The following MACF1 variants were observed in gnomAD, a reference collection of about 807,000 sequenced individuals.
MACF1 encodes microtubule-actin cross-linking factor 1.
In MACF1, 193 loss-of-function variants were observed where a neutral mutation model predicts 854.8. The ratio of observed to expected loss-of-function variants is 0.23; its 90% confidence interval spans 0.20 to 0.25. The LOEUF (loss-of-function observed/expected upper bound fraction) is 0.25, where lower values mean the gene tolerates loss of function less well. Among genes scored for constraint, MACF1 ranks in the 10% least tolerant of loss-of-function variants. MACF1 has a pLI of 1.00. For missense variants in MACF1, 7,722 were observed against 8,929.1 expected, an observed-to-expected ratio of 0.86 and a Z score of 5.45; for synonymous variants, 3,185 against 3,226.7, an observed-to-expected ratio of 0.99 and a Z score of 0.44.
intron 95 of MACF1, among the ~76,000 whole-genome samples, chr1:39,467,468 G>C (rs959255017): frequency 7.9e-5 from 12 of 152,166 alleles, no homozygotes; most frequent in African/African-American, 2.9e-4. Flanking sequence ...ATGTTTGTTT[G>C]TTTTGGAAAC....
intron 2 of MACF1, among the ~76,000 whole-genome samples, chr1:39,100,916 G>A (rs911365157): frequency 5.4e-5 from 8 of 148,256 alleles, no homozygotes; most frequent in South Asian, 2.2e-4. Flanking sequence ...GCACGCGCGC[G>A]TGTGTGTGTG....
intron 2 of MACF1, among the ~76,000 whole-genome samples, chr1:39,116,477 T>G (rs1038310144): frequency 6.6e-6 from 1 of 152,044 alleles, no homozygotes; most frequent in African/African-American, 2.4e-5. Context: ...TTGTAATAGA[T>G]TCCAAGGCAG....
In MACF1 at chr1:39,409,956, T is replaced by A; in HGVS notation, c.15817-12418T>A. On this transcript the variant is annotated intron_variant, in intron 58 of 100. Coordinates refer to ENST00000564288, the MANE Select transcript of MACF1 (RefSeq NM_001394062.1). The surrounding 1 kb of genome is among the most constrained non-coding windows in gnomAD (Gnocchi z 4.2). ...AAAGACTCGTCAATATCAGATGATT[T>A]TTGTTGACTGTATTTGAAAGAGCAG... The A allele has an allele frequency of 3.7e-6, 1 of 273,194 alleles. No homozygotes were observed. 16.9% of individuals were successfully genotyped at this position (273,194 alleles called of 1,614,324 possible).
chr1:39,162,824 G>A (rs572516039), intron 2 of MACF1, among the ~76,000 whole-genome samples: 57 of 152,218 alleles, frequency 3.7e-4, no homozygotes, highest in African/African-American at 1.3e-3. Context: ...GGCGGGAACT[G>A]TGTCTCATTT....
intron 1 of MACF1, among the ~76,000 whole-genome samples, chr1:39,210,416 C>T (rs926404636): frequency 6.6e-6 from 1 of 151,138 alleles, no homozygotes; most frequent in Admixed American, 6.6e-5. Flanking sequence ...CTATGTTGCC[C>T]ATCCTGAACT....
At chr1:39,448,003 C>G in intron 82 of MACF1, 30 bp from the exon 83 acceptor site, 1 of 1,613,152 alleles carries the variant, frequency 6.2e-7, no homozygotes, top group African/African-American at 1.3e-5. Flanking sequence ...TATATTCATT[C>G]CTGTTAACTT....
chr1:39,403,189 C>A (rs943849706), intron 58 of MACF1, among the ~76,000 whole-genome samples: 13 of 152,090 alleles, frequency 8.5e-5, no homozygotes, highest in African/African-American at 3.1e-4. Flanking sequence ...GTCTCCACCT[C>A]CCAAGTTCAA....
In MACF1 at chr1:39,333,750, G is replaced by A. The variant is rs1646766712; in HGVS notation, c.7162G>A (p.Val2388Ile). 1 of 1,614,080 alleles carries A rather than the reference G, an allele frequency of 6.2e-7. No homozygotes were observed. The highest frequency in any genetic ancestry group is 1.7e-5 in the Admixed American group (1 of 60,010). ...GACACTGTGCTCTGTAAAGGATGCA[G>A]TTACAGTTGGACTTCTTGACAAGGA... ...TQTLCSVKDA[V>I]TVGLLDKETA... The change falls in exon 37 of 101, where the codon GTT (valine) becomes ATT (isoleucine). Residue 2388 changes from valine to isoleucine, a missense_variant. Transcript: ENST00000564288.
At chr1:39,432,480 A>T (rs1290726377) in intron 66 of MACF1, 55 bp from the exon 67 acceptor site, 1 of 1,562,606 alleles carries the variant, frequency 6.4e-7, no homozygotes, top group Non-Finnish European at 8.8e-7. Flanking sequence ...AATTGCAGTT[A>T]TGTGGAGACT....
In MACF1 at chr1:39,327,404, A is replaced by G. The variant is rs747075666; in HGVS notation, c.4614+51A>G. The G allele has an allele frequency of 5.2e-6, 8 of 1,530,544 alleles. No homozygotes were observed. In the Admixed American group the frequency reaches 7.2e-5, roughly 14 times the overall value. The allele number at this position is 1,530,544 out of a possible 1,614,324, so 94.8% of individuals were successfully genotyped here. ...ATTGGGTGGATACCTTTTGAATGGT[A>G]TGAAGGCAGCTTTGCTGATTCAGAG... On this transcript the variant is annotated intron_variant, in intron 36 of 100. Transcript: ENST00000564288.
intron 2 of MACF1, among the ~76,000 whole-genome samples, chr1:39,156,192 A>G (rs867013497): frequency 5.3e-5 from 8 of 150,940 alleles, no homozygotes; most frequent in African/African-American, 2.0e-4. Flanking sequence ...TATTTTTAGT[A>G]GAGATGGGGT....
At chr1:39,167,798 A>G (rs1300998832) in intron 2 of MACF1, among the ~76,000 whole-genome samples, 2 of 151,872 alleles carry the variant, frequency 1.3e-5, no homozygotes, top group African/African-American at 4.8e-5. Context: ...CGCTTGAGCC[A>G]AGGCTTTGGA....
At chr1:39,463,067 A>G (rs2124076442) in intron 93 of MACF1, among the ~76,000 whole-genome samples, 1 of 152,374 alleles carries the variant, frequency 6.6e-6, no homozygotes, top group African/African-American at 2.4e-5. Flanking sequence ...AATGTGTTGT[A>G]TAGTCACTTG....
chr1:39,133,897 TGGTA>T (rs1643085872), intron 2 of MACF1, among the ~76,000 whole-genome samples: 1 of 152,258 alleles, frequency 6.6e-6, no homozygotes, highest in African/African-American at 2.4e-5. Flanking sequence ...GGGAATTGCA[TGGTA>T]GGTAGGTTAT....
chr1:39,399,428 G>A (rs1244285500), intron 58 of MACF1, among the ~76,000 whole-genome samples: 1 of 142,136 alleles, frequency 7.0e-6, no homozygotes, highest in African/African-American at 2.7e-5. Flanking sequence ...AGGCTGGAGT[G>A]CAGTGGTGCG....
At chr1:39,380,463 TATTTTTAGTTA>T in intron 55 of MACF1, 90 bp downstream of exon 55, 1 of 1,307,218 alleles carries the variant, frequency 7.6e-7, no homozygotes, top group African/African-American at 1.5e-5. Context: ...AAACAGGAAT[TATTTTTAGTTA>T]ATTTTTATAA....
At chr1:39,294,404 A>G (rs1645858363) in intron 18 of MACF1, among the ~76,000 whole-genome samples, 1 of 152,222 alleles carries the variant, frequency 6.6e-6, no homozygotes, top group Non-Finnish European at 1.5e-5. Context: ...CACTTTAGAC[A>G]GTTTAATTCT....
intron 2 of MACF1, among the ~76,000 whole-genome samples, chr1:39,134,075 C>T (rs1259342550): frequency 2.6e-5 from 3 of 115,800 alleles, no homozygotes; most frequent in African/African-American, 9.9e-5. Flanking sequence ...GGGTCTCGCT[C>T]TGTCCGCCAG....
At chr1:39,407,087 T>A (rs1369973662) in intron 58 of MACF1, among the ~76,000 whole-genome samples, 1 of 152,252 alleles carries the variant, frequency 6.6e-6, no homozygotes, top group Non-Finnish European at 1.5e-5. Flanking sequence ...AGAAGATTTG[T>A]AAATCTGTTT....
Sources: gnomAD v4.1 joint callset for allele counts (sites outside exome capture counted in the v4.1 genomes callset) on GRCh38, gnomAD v4.1.1 for gene constraint, Gnocchi (gnomAD v3.1) non-coding constraint, MANE v1.5 for transcripts, NCBI Gene and HGNC (gene_info 2026-07-23, HGNC 2026-07-21) for gene names.